Variants in GAS7 observed in about 807,000 individuals in gnomAD.
The protein encoded by GAS7 is growth arrest specific 7.
GAS7 carries 28 observed loss-of-function variants against 71.1 expected under a neutral mutation model. The ratio of observed to expected loss-of-function variants is 0.39; its 90% CI spans 0.29 to 0.54. The LOEUF (loss-of-function observed/expected upper bound fraction) is 0.54, where lower values mean the gene tolerates loss of function less well. GAS7 is among the 20% of genes least tolerant of loss of function. The pLI is 0.62. For missense variants in GAS7, 436 were observed against 627.8 expected, an observed-to-expected ratio of 0.69 and a Z score of 3.27; for synonymous variants, 258 against 245.8, an observed-to-expected ratio of 1.05 and a Z score of -0.46.
chr17:10,083,987 C>T (rs113903009), intron 1 of GAS7, among the ~76,000 whole-genome samples: 2,380 of 152,216 alleles, frequency 0.016, 53 homozygotes, highest in African/African-American at 0.055. Context: ...AAGCTGTCTT[C>T]GGCCTGGAGG....
At chr17:10,085,019 C>T (rs1324294296) in intron 1 of GAS7, among the ~76,000 whole-genome samples, 1 of 152,212 alleles carries the variant, frequency 6.6e-6, no homozygotes, top group Non-Finnish European at 1.5e-5. Flanking sequence ...TCCTGACCCA[C>T]AGGCCTGACC....
At chr17:9,987,735 A>C (rs1396163056) in intron 2 of GAS7, among the ~76,000 whole-genome samples, 1 of 152,270 alleles carries the variant, frequency 6.6e-6, no homozygotes, top group African/African-American at 2.4e-5. Flanking sequence ...CTTCAAAATA[A>C]TAATAATAAA....
chr17:10,066,882 G>T (rs770692152), intron 1 of GAS7, among the ~76,000 whole-genome samples: 1 of 152,004 alleles, frequency 6.6e-6, no homozygotes, highest in Non-Finnish European at 1.5e-5. Context: ...GACTGCCTGG[G>T]TTCAAATCCA....
At chr17:9,947,251 A>G (rs1392766208) in intron 5 of GAS7, among the ~76,000 whole-genome samples, 1 of 152,174 alleles carries the variant, frequency 6.6e-6, no homozygotes, top group East Asian at 1.9e-4. Context: ...TGACCCAGCA[A>G]TTGCACAAGA....
intron 1 of GAS7, among the ~76,000 whole-genome samples, chr17:10,060,552 C>T (rs1195545175): frequency 6.6e-6 from 1 of 152,074 alleles, no homozygotes; most frequent in East Asian, 1.9e-4. Flanking sequence ...CCCGCAGTCC[C>T]CAAGACAGAA....
chr17:10,066,901 C>T (rs1296988685), intron 1 of GAS7, among the ~76,000 whole-genome samples: 1 of 152,094 alleles, frequency 6.6e-6, no homozygotes, highest in Admixed American at 6.6e-5. Flanking sequence ...CATGCTTTCC[C>T]AGGACAAGTT....
At chr17:10,180,868 G>A (rs1276840859) in intron 1 of GAS7, among the ~76,000 whole-genome samples, 2 of 151,958 alleles carry the variant, frequency 1.3e-5, no homozygotes, top group African/African-American at 2.4e-5. Flanking sequence ...CAGCATGAGG[G>A]AACTATAACC....
intron 1 of GAS7, among the ~76,000 whole-genome samples, chr17:10,166,303 G>A (rs915463557): frequency 1.3e-4 from 20 of 152,196 alleles, no homozygotes; most frequent in East Asian, 5.8e-4. Context: ...GATTGCAGGC[G>A]TGAGTCACCA....
chr17:10,063,868 G>A (rs1050159017), intron 1 of GAS7, among the ~76,000 whole-genome samples: 4 of 152,148 alleles, frequency 2.6e-5, no homozygotes, highest in Admixed American at 6.5e-5. Flanking sequence ...TGGTGAGGGG[G>A]GCAGAGGAAG....
intron 2 of GAS7, among the ~76,000 whole-genome samples, chr17:10,005,522 G>A (rs2071496276): frequency 6.6e-6 from 1 of 151,954 alleles, no homozygotes; most frequent in Admixed American, 6.6e-5. Context: ...GGCAGGTAGT[G>A]GTAACCTTCT....
chr17:10,028,207 C>T (rs1380929913), intron 1 of GAS7, among the ~76,000 whole-genome samples: 1 of 152,122 alleles, frequency 6.6e-6, no homozygotes, highest in Non-Finnish European at 1.5e-5. Context: ...CCGGCCTTAA[C>T]ATTTCTTTTT....
intron 5 of GAS7, among the ~76,000 whole-genome samples, chr17:9,954,114 C>G (rs1214042080): frequency 6.6e-6 from 1 of 152,076 alleles, no homozygotes; most frequent in Admixed American, 6.5e-5. Context: ...AAGGGTACTG[C>G]AGGAAGGGAA....
At chr17:10,072,774 T>TCTTC (rs754636692) in intron 1 of GAS7, among the ~76,000 whole-genome samples, 4 of 152,022 alleles carry the variant, frequency 2.6e-5, no homozygotes, top group Non-Finnish European at 5.9e-5. Flanking sequence ...GGAGAGAGGC[T>TCTTC]CAGGGAAGTG....
chr17:10,130,364 A>G (rs1429611104), intron 1 of GAS7, among the ~76,000 whole-genome samples: 1 of 151,638 alleles, frequency 6.6e-6, no homozygotes, highest in African/African-American at 2.4e-5. Flanking sequence ...ATAATTACCA[A>G]TGTTGGCAAG....
Position 9,924,528 on chromosome 17 carries a change from C to CCCT in GAS7, c.1138+947_1138+948insAGG, listed in dbSNP as rs67852042. The CCCT allele has an allele frequency of 7.2e-5, 3 of 41,890 alleles. No homozygotes were observed. In the African/African-American group the frequency reaches 9.5e-4, roughly 13 times the overall value. The allele number at this position is 41,890 out of a possible 1,614,324, so 2.6% of individuals were successfully genotyped here. Reference sequence around the variant, plus strand: ...TAAACAGATCTCTTCCCCTTCTGTGCCCCCCCTTCTCTCTACCAATAAATA... The same window carrying CCCT: ...TAAACAGATCTCTTCCCCTTCTGTGCCCTCCCCCCTTCTCTCTACCAATAAATA... On this transcript the variant is annotated intron_variant, in intron 11 of 13. Transcript: ENST00000432992.
At chr17:10,170,166 C>T (rs2074325581) in intron 1 of GAS7, among the ~76,000 whole-genome samples, 1 of 152,074 alleles carries the variant, frequency 6.6e-6, no homozygotes, top group Non-Finnish European at 1.5e-5. Context: ...CCCTCCATCC[C>T]CCCATCATTC....
chr17:10,155,122 C>A (rs9903802), intron 1 of GAS7, among the ~76,000 whole-genome samples: 5,202 of 151,998 alleles, frequency 0.034, 381 homozygotes, highest in East Asian at 0.33. Flanking sequence ...TCAAGCGATT[C>A]TCCTGTCTCA....
chr17:9,943,054 C>T (rs1406186128), intron 7 of GAS7, 67 bp downstream of exon 7: 20 of 1,001,564 alleles, frequency 2.0e-5, no homozygotes, highest in Non-Finnish European at 3.0e-5. Flanking sequence ...TGTCGCCCCG[C>T]CCCGGCCACG....
rs9893617 is a variant in GAS7, at chr17:10,120,537, C to A, written c.183+77671G>T. ...ACCAGCCTGGCCAACATGGCGAAAA[C>A]CCCGTCTCTACTAAAAATACCAAAA... On this transcript the variant is annotated intron_variant, in intron 1 of 13. Transcript: ENST00000432992. 2.0e-3 allele frequency among the ~76,000 whole-genome samples: 308 copies of A among 152,234 alleles called. 1 individual carries two copies. The highest frequency in any genetic ancestry group is 6.6e-3 in the African/African-American group (274 of 41,528).
Sources: gnomAD v4.1 joint callset for allele counts (sites outside exome capture counted in the v4.1 genomes callset) on GRCh38, gnomAD v4.1.1 for gene constraint, MANE v1.5 for transcripts, NCBI Gene and HGNC (gene_info 2026-07-23, HGNC 2026-07-21) for gene names.